IL31RA: variants seen among roughly 807,000 people sequenced by gnomAD.
The protein encoded by IL31RA is interleukin 31 receptor A, also known as interleukin-31 receptor subunit alpha.
Under a neutral mutation model 83.7 loss-of-function variants are expected in IL31RA, and 66 were observed. The observed-to-expected ratio is 0.79, with a 90% CI of 0.65 to 0.97. The LOEUF (loss-of-function observed/expected upper bound fraction) is 0.97, where lower values mean the gene tolerates loss of function less well. Ranked by LOEUF, IL31RA falls within the 50% of genes least tolerant of loss-of-function variation. IL31RA has a pLI of 0.00. For synonymous variants in IL31RA, 325 were observed against 329.0 expected (o/e 0.99, Z 0.13); for missense variants, 798 against 919.4 (o/e 0.87, Z 1.71).
chr5:55,899,929 C>A lies in IL31RA; in HGVS notation c.866C>A (p.Ala289Asp). ...CTTTGGGTTCAGAAGGCAAGAGGAG[C>A]CCCAGTCCTAGAGAAAACACTTGGC... ...VRLLWKKARGAPVLEKTLGYN... is the reference protein window; with the variant it reads ...VRLLWKKARGDPVLEKTLGYN... The change falls in exon 8 of 15, where the codon GCC becomes GAC. Residue 289 changes from alanine (A) to aspartate (D), a missense_variant. Ala to Asp is a moderately radical substitution (Grantham distance 126). Transcript: ENST00000652347. The A allele has an allele frequency of 6.2e-7, 1 of 1,613,824 alleles. No homozygotes were observed. The highest frequency in any genetic ancestry group is 1.1e-5 in the South Asian group (1 of 91,072).
At chr5:55,842,730 G>A in the IL31RA span, among the ~76,000 whole-genome samples, 2 of 152,262 alleles carry the variant, frequency 1.3e-5, no homozygotes, top group South Asian at 2.1e-4. Context: ...CCTGGGTGGG[G>A]CCTGTTCTTT....
Position 55,919,832 on chromosome 5 carries a change from C to T in IL31RA, c.*2712C>T, listed in dbSNP as rs566083458. 6.6e-6 allele frequency among the ~76,000 whole-genome samples: 1 copy of T among 152,332 alleles called. No individual in the cohort carries two copies. The highest frequency in any genetic ancestry group is 2.4e-5 in the African/African-American group (1 of 41,574). On this transcript the variant is annotated 3_prime_UTR_variant, in exon 15 of 15. Coordinates refer to ENST00000652347, the MANE Select transcript of IL31RA (RefSeq NM_139017.7). ...GACTTCCTCTCCTGGATCGAGTCAC[C>T]AACTGTCCCCGCTCTGGGCACCAGG...
intron 1 of IL31RA, chr5:55,853,435 C>T: frequency 1.3e-6 from 2 of 1,517,990 alleles, no homozygotes; most frequent in Non-Finnish European, 1.8e-6. Context: ...AACACTCCCA[C>T]ATCTTAGTGT....
chr5:55,848,854 A>G (rs145611415), upstream of IL31RA, among the ~76,000 whole-genome samples: 8 of 152,312 alleles, frequency 5.3e-5, no homozygotes, highest in East Asian at 1.5e-3. Context: ...TCTTTCTATG[A>G]CTTTCTTATT....
chr5:55,909,705 A>G (rs1209190424), intron 11 of IL31RA, among the ~76,000 whole-genome samples: 2 of 111,664 alleles, frequency 1.8e-5, no homozygotes, highest in Non-Finnish European at 1.8e-5. Flanking sequence ...CCATTTGTAT[A>G]TCTTTTTTTT....
chr5:55,873,071 C>A (rs77561892), intron 4 of IL31RA, among the ~76,000 whole-genome samples: 8,249 of 152,148 alleles, frequency 0.054, 477 homozygotes, highest in African/African-American at 0.15. Context: ...GTCCTCAATC[C>A]TTTGTTTTCT....
In IL31RA at chr5:55,922,708, C is replaced by T; in HGVS notation, c.*5588C>T. ...TATTTGGGCCTTTCATACAAAAAAGCCATAATACCATTTTCATGTAATGCT... is the reference window on the plus strand; with the variant it reads ...TATTTGGGCCTTTCATACAAAAAAGTCATAATACCATTTTCATGTAATGCT... On this transcript the variant is annotated 3_prime_UTR_variant, in exon 15 of 15. Coordinates refer to ENST00000652347, the MANE Select transcript of IL31RA (RefSeq NM_139017.7). The T allele has an allele frequency of 2.2e-6, 1 of 454,386 alleles. No individual in the cohort carries two copies. Among genetic ancestry groups the T allele is most frequent in the Middle Eastern group, 5.5e-4 (1 of 1,814 alleles). The allele number at this position is 454,386 out of a possible 1,614,324, so 28.1% of individuals were successfully genotyped here. A position where few individuals can be genotyped will look rare whatever the true frequency, so the allele number is the denominator to read the frequency against.
At chr5:55,916,110 C>T (rs548175255) in intron 14 of IL31RA, among the ~76,000 whole-genome samples, 61 of 152,314 alleles carry the variant, frequency 4.0e-4, no homozygotes, top group African/African-American at 6.3e-4. Context: ...CTGGGTACAG[C>T]GGCTCATGCC....
rs1748647953 is a variant in IL31RA, at chr5:55,899,107, T to C, written c.853-809T>C. On this transcript the variant is annotated intron_variant, in intron 7 of 14. Transcript: ENST00000652347. ...TCCTGGTCATTAGGAAGATTCTAGC[T>C]GACCTTTTATGCCTAGACATAAAAG... 2.6e-5 allele frequency among the ~76,000 whole-genome samples: 4 copies of C among 152,184 alleles called. No homozygotes were observed. The South Asian group carries it at 8.3e-4, about 32-fold the overall frequency.
Position 55,916,733 on chromosome 5 carries a change from G to A in IL31RA, c.1908G>A (p.Val636=), listed in dbSNP as rs115463620. Residue 636 remains valine, a synonymous_variant, in exon 15 of 15, where the codon GTG becomes GTA. Transcript: ENST00000652347. ...GTTCCACCCCCAGTGACAAGTTGGT[G>A]ATTGACAAGTTGGTGGTGAACTTTG... is the stretch of plus-strand genomic sequence containing the variant. ...KPCSTPSDKL[V]IDKLVVNFGN... is the part of the protein sequence containing the mutation. 725 of 1,614,204 alleles carry A rather than the reference G, an allele frequency of 4.5e-4. 1 individual carries two copies. The African/African-American group carries it at 8.5e-3, about 19-fold the overall frequency.
chr5:55,904,921 C>T (rs1749049540), intron 8 of IL31RA, among the ~76,000 whole-genome samples: 1 of 146,826 alleles, frequency 6.8e-6, no homozygotes, highest in Non-Finnish European at 1.5e-5. Flanking sequence ...CCTGGCTGGG[C>T]GTGGTGGCTC....
chr5:55,911,292 A>G (rs1749487712), intron 12 of IL31RA, among the ~76,000 whole-genome samples: 1 of 152,112 alleles, frequency 6.6e-6, no homozygotes, highest in South Asian at 2.1e-4. Flanking sequence ...AGTATGGGGG[A>G]AATTGCCCCC....
chr5:55,894,062 C>T (rs1748183223), intron 6 of IL31RA, among the ~76,000 whole-genome samples: 2 of 151,982 alleles, frequency 1.3e-5, no homozygotes, highest in Non-Finnish European at 2.9e-5. Flanking sequence ...TTTAGCTTTG[C>T]CTGTATCTAT....
At position 55,865,495 on chromosome 5, in the gene IL31RA, T is replaced by C. The variant is rs574119457; in HGVS notation, c.155-3296T>C. Among the ~76,000 whole-genome samples, 76 of 152,284 alleles carry C rather than the reference T, an allele frequency of 5.0e-4. 1 individual carries two copies. Among genetic ancestry groups the C allele is most frequent in the African/African-American group, 1.7e-3 (71 of 41,538 alleles). On this transcript the variant is annotated intron_variant, in intron 2 of 14. Coordinates refer to ENST00000652347, the MANE Select transcript of IL31RA (RefSeq NM_139017.7). ...TCAGTTCATAGACCAAATACATGAATGTATATACAAACACACACATTTACA... is the reference window on the plus strand; with the variant it reads ...TCAGTTCATAGACCAAATACATGAACGTATATACAAACACACACATTTACA...
chr5:55,904,403 C>A (rs187293083), intron 8 of IL31RA, among the ~76,000 whole-genome samples: 3 of 152,290 alleles, frequency 2.0e-5, no homozygotes, highest in African/African-American at 7.2e-5. Flanking sequence ...ATCTCCAAGG[C>A]TCCAGCAGGG....
upstream of IL31RA, among the ~76,000 whole-genome samples, chr5:55,846,660 G>A (rs1239926494): frequency 2.0e-5 from 3 of 152,004 alleles, no homozygotes; most frequent in Non-Finnish European, 2.9e-5. Context: ...AGCCAAGCTT[G>A]GTGTCGTGCG....
chr5:55,881,029 G>T (rs562291266), intron 4 of IL31RA, among the ~76,000 whole-genome samples: 15 of 152,264 alleles, frequency 9.9e-5, no homozygotes, highest in Admixed American at 9.8e-4. Context: ...GAGGCCGGGC[G>T]CGGTGGCTCA....
intron 3 of IL31RA, among the ~76,000 whole-genome samples, chr5:55,871,983 C>T (rs1746535241): frequency 6.6e-6 from 1 of 152,024 alleles, no homozygotes; most frequent in Non-Finnish European, 1.5e-5. Flanking sequence ...TATAGCTTTT[C>T]ATGCTATATA....
the IL31RA span, chr5:55,839,859 C>G: frequency 1.3e-6 from 1 of 743,072 alleles, no homozygotes; most frequent in Non-Finnish European, 2.5e-6. Context: ...TCAACAAAAG[C>G]CTTGTCACCC....
Sources: gnomAD v4.1 joint callset for allele counts (sites outside exome capture counted in the v4.1 genomes callset) on GRCh38, gnomAD v4.1.1 for gene constraint, MANE v1.5 for transcripts, NCBI Gene and HGNC (gene_info 2026-07-23, HGNC 2026-07-21) for gene names.